Variants in CDKAL1 observed in about 807,000 individuals in gnomAD.
CDKAL1 encodes CDKAL1 threonylcarbamoyladenosine tRNA methylthiotransferase.
Under a neutral mutation model 68.2 loss-of-function variants are expected in CDKAL1, and 32 were observed. The observed-to-expected ratio is 0.47, with a 90% CI of 0.35 to 0.63. The LOEUF (loss-of-function observed/expected upper bound fraction) is 0.63. Among genes scored for constraint, CDKAL1 ranks in the 30% least tolerant of loss-of-function variants. The probability of loss-of-function intolerance (pLI) is 0.00; values close to 1 mark genes in which losing one functional copy is unlikely to be tolerated. For synonymous variants in CDKAL1, 234 were observed against 244.3 expected, an observed-to-expected ratio of 0.96 and a Z score of 0.39; for missense variants, 606 against 696.7, an observed-to-expected ratio of 0.87 and a Z score of 1.47.
intron 9 of CDKAL1, among the ~76,000 whole-genome samples, chr6:20,898,679 C>G (rs959574316): frequency 1.3e-5 from 2 of 152,094 alleles, no homozygotes; most frequent in Non-Finnish European, 2.9e-5. Flanking sequence ...TACTGATAAA[C>G]CAAACATTAC....
chr6:21,076,927 A>G lies in CDKAL1; in HGVS notation c.1236+11699A>G, dbSNP rs895524180. ...TGTTGTATCTGGATTTCAGCAGATC[A>G]TTTAACAGAGCTTTTTATAATGACT... On this transcript the variant is annotated intron_variant, in intron 12 of 15. Coordinates refer to ENST00000274695, the MANE Select transcript of CDKAL1 (RefSeq NM_017774.3). 8.5e-5 allele frequency among the ~76,000 whole-genome samples: 13 copies of G among 152,256 alleles called. 1 individual carries two copies. The highest frequency in any genetic ancestry group is 3.1e-4 in the African/African-American group (13 of 41,572).
At chr6:20,692,164 G>C (rs1261931609) in intron 5 of CDKAL1, among the ~76,000 whole-genome samples, 1 of 152,086 alleles carries the variant, frequency 6.6e-6, no homozygotes, top group Non-Finnish European at 1.5e-5. Context: ...AGTAAATCAG[G>C]CTTAATAGAG....
intron 5 of CDKAL1, among the ~76,000 whole-genome samples, chr6:20,669,073 T>G (rs1581349506): frequency 6.6e-6 from 1 of 152,340 alleles, no homozygotes; most frequent in East Asian, 1.9e-4. Flanking sequence ...GGTGTAAACT[T>G]TATTTAAGGT....
intron 11 of CDKAL1, among the ~76,000 whole-genome samples, chr6:21,052,851 C>T (rs1035378703): frequency 6.6e-5 from 10 of 152,060 alleles, no homozygotes; most frequent in African/African-American, 2.2e-4. Context: ...TCCGTCTCTA[C>T]AGAAAATAAA....
intron 9 of CDKAL1, among the ~76,000 whole-genome samples, chr6:20,893,847 C>CTGA (rs796543403): frequency 7.9e-5 from 12 of 151,974 alleles, no homozygotes; most frequent in East Asian, 1.9e-4. Flanking sequence ...ACTCACGATA[C>CTGA]TGATGATGAT....
chr6:20,999,499 C>T (rs763150506), intron 10 of CDKAL1, among the ~76,000 whole-genome samples: 21 of 151,732 alleles, frequency 1.4e-4, no homozygotes, highest in African/African-American at 4.4e-4. Context: ...TATTCTCTTT[C>T]GCTTGGCAAG....
intron 15 of CDKAL1, among the ~76,000 whole-genome samples, chr6:21,207,914 TTCC>T (rs1779001127): frequency 6.6e-6 from 1 of 152,220 alleles, no homozygotes; most frequent in Non-Finnish European, 1.5e-5. Context: ...ACTGCTGAGA[TTCC>T]TCCATGAGAA....
chr6:21,031,442 C>T (rs1329835253), intron 11 of CDKAL1, among the ~76,000 whole-genome samples: 1 of 151,882 alleles, frequency 6.6e-6, no homozygotes, highest in Non-Finnish European at 1.5e-5. Flanking sequence ...ACCTTAAGTA[C>T]ATCTGTAAGA....
intron 9 of CDKAL1, among the ~76,000 whole-genome samples, chr6:20,861,839 C>T (rs188790637): frequency 6.6e-6 from 1 of 152,252 alleles, no homozygotes; most frequent in East Asian, 1.9e-4. Context: ...AGATGCTTAG[C>T]CAGCCCACAG....
At chr6:20,989,658 C>T (rs2150793250) in intron 10 of CDKAL1, among the ~76,000 whole-genome samples, 1 of 152,240 alleles carries the variant, frequency 6.6e-6, no homozygotes, top group South Asian at 2.1e-4. Flanking sequence ...GTGTAGCAGT[C>T]TTTTCTTAAA....
intron 9 of CDKAL1, among the ~76,000 whole-genome samples, chr6:20,888,853 C>T (rs1427759889): frequency 1.3e-5 from 2 of 152,042 alleles, no homozygotes; most frequent in Non-Finnish European, 2.9e-5. Context: ...GTCTTTATAG[C>T]AGTATGATTT....
intron 7 of CDKAL1, among the ~76,000 whole-genome samples, chr6:20,775,376 A>G (rs1367167891): frequency 1.3e-5 from 2 of 152,254 alleles, no homozygotes; most frequent in African/African-American, 4.8e-5. Flanking sequence ...GCTGATTCAC[A>G]GTAGTCACAA....
At chr6:20,638,928 G>A (rs781290241) in intron 4 of CDKAL1, among the ~76,000 whole-genome samples, 4 of 151,928 alleles carry the variant, frequency 2.6e-5, no homozygotes, top group Non-Finnish European at 5.9e-5. Context: ...CACCGCGCCC[G>A]GCCTAGGGAT....
intron 8 of CDKAL1, among the ~76,000 whole-genome samples, chr6:20,785,648 T>A (rs1775641202): frequency 6.6e-6 from 1 of 152,164 alleles, no homozygotes. Context: ...GCTCATTGCT[T>A]TTTTTCACTT....
At chr6:20,999,530 A>G (rs1210770033) in intron 10 of CDKAL1, among the ~76,000 whole-genome samples, 2 of 151,926 alleles carry the variant, frequency 1.3e-5, no homozygotes, top group Non-Finnish European at 2.9e-5. Flanking sequence ...CTTAATCTTC[A>G]TCTCTTCTTT....
intron 2 of CDKAL1, among the ~76,000 whole-genome samples, chr6:20,536,089 C>T (rs532721990): frequency 5.0e-4 from 71 of 141,018 alleles, no homozygotes; most frequent in Non-Finnish European, 8.9e-4. Context: ...CCACCATGCC[C>T]GGCTAAATTT....
chr6:20,618,025 C>T (rs1254542146), intron 4 of CDKAL1, among the ~76,000 whole-genome samples: 1 of 152,168 alleles, frequency 6.6e-6, no homozygotes, highest in Admixed American at 6.5e-5. Flanking sequence ...CTAGTTTATA[C>T]TCCCACCAAC....
chr6:21,059,139 A>G (rs1771000103), intron 11 of CDKAL1, among the ~76,000 whole-genome samples: 1 of 152,148 alleles, frequency 6.6e-6, no homozygotes. Context: ...GGGAGGCCCC[A>G]CTCAGTGAGG....
At chr6:21,106,088 G>A (rs1397695594) in intron 12 of CDKAL1, among the ~76,000 whole-genome samples, 1 of 152,188 alleles carries the variant, frequency 6.6e-6, no homozygotes, top group African/African-American at 2.4e-5. Flanking sequence ...TAATAAATGT[G>A]TGTACTGTCT....
Sources: allele counts gnomAD v4.1 joint callset (sites outside exome capture counted in the v4.1 genomes callset), GRCh38; gene constraint gnomAD v4.1.1; transcripts MANE v1.5; gene names NCBI Gene and HGNC (gene_info 2026-07-23, HGNC 2026-07-21).